Variants in DIP2C observed in about 807,000 individuals in gnomAD.
DIP2C encodes DIP2 acetate--CoA ligase C (putative), also known as disco-interacting protein 2 homolog C.
DIP2C carries 33 observed loss-of-function variants against 192.4 expected under a neutral mutation model. That is an observed-to-expected ratio of 0.17 (90% confidence interval 0.13 to 0.23). The LOEUF (loss-of-function observed/expected upper bound fraction) is 0.23, where lower values mean the gene tolerates loss of function less well. DIP2C is among the 10% of genes least tolerant of loss of function. The pLI is 1.00. For missense variants in DIP2C, 1,537 were observed against 2,110.1 expected, an observed-to-expected ratio of 0.73 and a Z score of 5.32; for synonymous variants, 979 against 864.1, an observed-to-expected ratio of 1.13 and a Z score of -2.33.
chr10:547,794 T>G (rs145646960), intron 1 of DIP2C, among the ~76,000 whole-genome samples: 2 of 152,244 alleles, frequency 1.3e-5, no homozygotes, highest in Non-Finnish European at 2.9e-5. Context: ...ACGTCCCCTC[T>G]CTGCAGGGGG....
chr10:529,320 A>G (rs541555557), intron 1 of DIP2C, among the ~76,000 whole-genome samples: 42 of 149,526 alleles, frequency 2.8e-4, no homozygotes, highest in Non-Finnish European at 4.4e-4. Context: ...CACAGAGCTG[A>G]AAGTGCTCTG....
intron 1 of DIP2C, among the ~76,000 whole-genome samples, chr10:527,050 A>C (rs1366421790): frequency 6.6e-6 from 1 of 152,204 alleles, no homozygotes; most frequent in East Asian, 1.9e-4. Flanking sequence ...GCAGTGAGCC[A>C]CCACACATTC....
At chr10:680,536 C>T (rs776085208) in intron 1 of DIP2C, among the ~76,000 whole-genome samples, 6 of 152,214 alleles carry the variant, frequency 3.9e-5, no homozygotes, top group African/African-American at 7.2e-5. Context: ...CTGACAAAGA[C>T]GCTGAATCTC....
chr10:433,145 A>G (rs115565692), intron 4 of DIP2C, among the ~76,000 whole-genome samples: 1,977 of 152,300 alleles, frequency 0.013, 49 homozygotes, highest in African/African-American at 0.045. Flanking sequence ...TTTTGTCCTT[A>G]CTGATTTTCT....
chr10:592,679 CTA>C (rs1851470882), intron 1 of DIP2C, among the ~76,000 whole-genome samples: 1 of 152,136 alleles, frequency 6.6e-6, no homozygotes, highest in Non-Finnish European at 1.5e-5. Flanking sequence ...AATGACAACA[CTA>C]TTTTTAATTC....
At chr10:330,983 T>G (rs1957480892) in intron 29 of DIP2C, among the ~76,000 whole-genome samples, 2 of 148,432 alleles carry the variant, frequency 1.3e-5, no homozygotes, top group South Asian at 4.3e-4. Flanking sequence ...GGCTAATTTT[T>G]TTTTTTTTTT....
intron 18 of DIP2C, among the ~76,000 whole-genome samples, chr10:367,064 G>A (rs1258113228): frequency 7.2e-5 from 11 of 152,164 alleles, no homozygotes; most frequent in Admixed American, 6.5e-4. Context: ...TAAAACAGCC[G>A]GCACCCGCTG....
chr10:343,674 A>AGT (rs1446152312), intron 28 of DIP2C, among the ~76,000 whole-genome samples: 2 of 152,194 alleles, frequency 1.3e-5, no homozygotes, highest in African/African-American at 4.8e-5. Context: ...CTGGATTAGG[A>AGT]GTTAGTCAAA....
At chr10:295,668 C>G (rs904310808) in intron 32 of DIP2C, among the ~76,000 whole-genome samples, 5 of 143,678 alleles carry the variant, frequency 3.5e-5, no homozygotes, top group African/African-American at 7.8e-5. Context: ...GGTGAGGATA[C>G]AGAGAGAAGG....
intron 1 of DIP2C, among the ~76,000 whole-genome samples, chr10:554,687 G>C (rs1848751376): frequency 6.6e-6 from 1 of 152,202 alleles, no homozygotes. Context: ...ACTGGCTCCA[G>C]GGCCAGGACA....
intron 17 of DIP2C, among the ~76,000 whole-genome samples, chr10:381,932 CACA>C (rs1216619175): frequency 6.6e-6 from 1 of 152,232 alleles, no homozygotes; most frequent in Non-Finnish European, 1.5e-5. Context: ...TGACAGCCGA[CACA>C]ACTTCTCTGC....
intron 1 of DIP2C, among the ~76,000 whole-genome samples, chr10:556,024 G>A (rs73576221): frequency 0.15 from 22,496 of 150,324 alleles, 2,838 homozygotes; most frequent in African/African-American, 0.34. Flanking sequence ...CAGTCCAGTC[G>A]CAGCAGACTC....
At chr10:602,418 C>G (rs1588569705) in intron 1 of DIP2C, among the ~76,000 whole-genome samples, 1 of 152,222 alleles carries the variant, frequency 6.6e-6, no homozygotes, top group Non-Finnish European at 1.5e-5. Context: ...TCCCCAAAAC[C>G]TCACGCACAC....
At chr10:611,940 A>T (rs888430357) in intron 1 of DIP2C, among the ~76,000 whole-genome samples, 2 of 152,068 alleles carry the variant, frequency 1.3e-5, no homozygotes, top group Non-Finnish European at 2.9e-5. Flanking sequence ...TGTCCAAGTA[A>T]GCTCTTTAAT....
At chr10:621,401 A>G (rs899487901) in intron 1 of DIP2C, among the ~76,000 whole-genome samples, 1 of 149,248 alleles carries the variant, frequency 6.7e-6, no homozygotes, top group African/African-American at 2.5e-5. Context: ...GGGTGCACAC[A>G]CTATGTGCTC....
intron 1 of DIP2C, among the ~76,000 whole-genome samples, chr10:593,941 T>C (rs75025476): frequency 0.068 from 10,342 of 152,256 alleles, 1,131 homozygotes; most frequent in African/African-American, 0.23. Flanking sequence ...CAGAGCTCTG[T>C]GTAGGAGTCC....
chr10:543,543 G>A (rs1056944504), intron 1 of DIP2C, among the ~76,000 whole-genome samples: 16 of 152,338 alleles, frequency 1.1e-4, no homozygotes, highest in Middle Eastern at 3.4e-3. Context: ...GAATACGGTT[G>A]TTACGTGAGA....
In DIP2C at chr10:363,131, C is replaced by G; in HGVS notation, c.2592+66G>C. On this transcript the variant is annotated intron_variant, in intron 21 of 36. Coordinates refer to ENST00000280886, the MANE Select transcript of DIP2C (RefSeq NM_014974.3). The surrounding 1 kb of genome is among the most constrained non-coding windows in gnomAD (Gnocchi z 5.4). ...AAGCAACAGCTGGTCACACCATGAT[C>G]TGAATGAAGTAAGGAGGCCAGAAAC... 7.0e-7 allele frequency: 1 copy of G among 1,430,796 alleles called. No homozygotes were observed. Among genetic ancestry groups the G allele is most frequent in the Non-Finnish European group, 9.7e-7 (1 of 1,031,370 alleles). 88.6% of individuals were successfully genotyped at this position (1,430,796 alleles called of 1,614,324 possible). A position where few individuals can be genotyped will look rare whatever the true frequency, so the allele number is the denominator to read the frequency against.
At chr10:612,701 C>T (rs1853176568) in intron 1 of DIP2C, among the ~76,000 whole-genome samples, 1 of 152,132 alleles carries the variant, frequency 6.6e-6, no homozygotes, top group Admixed American at 6.5e-5. Flanking sequence ...TTTACTCCGC[C>T]GACTGTGTCT....
Sources: gnomAD v4.1 joint callset for allele counts (sites outside exome capture counted in the v4.1 genomes callset) on GRCh38, gnomAD v4.1.1 for gene constraint, Gnocchi (gnomAD v3.1) non-coding constraint, MANE v1.5 for transcripts, NCBI Gene and HGNC (gene_info 2026-07-23, HGNC 2026-07-21) for gene names.